GABPA: variants seen among roughly 807,000 people sequenced by gnomAD.
The protein encoded by GABPA is GA binding protein transcription factor subunit alpha, also known as GA-binding protein alpha chain.
In GABPA, 4 loss-of-function variants were observed where a neutral mutation model predicts 59.4. The observed-to-expected ratio is 0.07, with a 90% CI of 0.03 to 0.15. The LOEUF is 0.15. Among genes scored for constraint, GABPA ranks in the 10% least tolerant of loss-of-function variants. The pLI is 1.00. For synonymous variants in GABPA, 164 were observed against 183.1 expected (o/e 0.90, Z 0.84); for missense variants, 251 against 543.8 (o/e 0.46, Z 5.36).
chr21:25,749,451 A>T (rs13048710), intron 4 of GABPA, among the ~76,000 whole-genome samples: 1 of 152,158 alleles, frequency 6.6e-6, no homozygotes, highest in Non-Finnish European at 1.5e-5. Context: ...CTGCCCTGCC[A>T]TGATCTGGAA....
intron 5 of GABPA, among the ~76,000 whole-genome samples, chr21:25,753,849 G>C (rs1285454014): frequency 6.6e-6 from 1 of 152,138 alleles, no homozygotes; most frequent in Non-Finnish European, 1.5e-5. Flanking sequence ...TAGAGACAAG[G>C]TTGTACCTGG....
At chr21:25,756,228 T>C (rs1314317724) in intron 5 of GABPA, among the ~76,000 whole-genome samples, 1 of 152,176 alleles carries the variant, frequency 6.6e-6, no homozygotes, top group African/African-American at 2.4e-5. Context: ...GAAATTAACT[T>C]TGTTTTTCTT....
At chr21:25,762,145 A>T (rs934462209) in intron 6 of GABPA, among the ~76,000 whole-genome samples, 167 bp from the exon 7 acceptor site, 1 of 152,158 alleles carries the variant, frequency 6.6e-6, no homozygotes, top group Non-Finnish European at 1.5e-5. Flanking sequence ...TAAAGTGACT[A>T]TCAAATATTT....
chr21:25,764,901 TG>T, intron 9 of GABPA, 114 bp downstream of exon 9: 5 of 704,976 alleles, frequency 7.1e-6, no homozygotes, highest in East Asian at 3.4e-5. Context: ...AACTTGTTTA[TG>T]TTTTTTTCTT....
At chr21:25,750,331 T>G (rs1268349333) in intron 4 of GABPA, among the ~76,000 whole-genome samples, 1 of 152,192 alleles carries the variant, frequency 6.6e-6, no homozygotes, top group East Asian at 1.9e-4. Context: ...GTCTGTGGCC[T>G]GGGGTTTGGG....
In GABPA at chr21:25,758,285, T is replaced by C. The variant is rs538870413; in HGVS notation, c.748+81T>C. The C allele has an allele frequency of 6.6e-5, 65 of 990,230 alleles. No homozygotes were observed. In the South Asian group the frequency reaches 1.0e-3, roughly 16 times the overall value. 61.3% of individuals were successfully genotyped at this position (990,230 alleles called of 1,614,324 possible). A position where few individuals can be genotyped will look rare whatever the true frequency, so the allele number is the denominator to read the frequency against. On this transcript the variant is annotated intron_variant, in intron 6 of 9. Coordinates refer to ENST00000400075, the MANE Select transcript of GABPA (RefSeq NM_002040.4). ...TGTAACTTTGTTTTCATCTTAGTTG[T>C]TTATTGATAATGATAAGTAATAAGC...
chr21:25,743,525 C>T (rs2035279205), intron 2 of GABPA, among the ~76,000 whole-genome samples: 2 of 150,596 alleles, frequency 1.3e-5, no homozygotes, highest in Non-Finnish European at 2.9e-5. Flanking sequence ...CAGTAATTGT[C>T]GTTCACCTAA....
At chr21:25,758,359 A>G (rs1182706893) in intron 6 of GABPA, among the ~76,000 whole-genome samples, 155 bp downstream of exon 6, 3 of 152,326 alleles carry the variant, frequency 2.0e-5, no homozygotes, top group South Asian at 2.1e-4. Context: ...TGAAAGCTCT[A>G]TATGTTCTTT....
intron 6 of GABPA, among the ~76,000 whole-genome samples, chr21:25,759,147 T>G (rs796205711): frequency 6.6e-6 from 1 of 152,178 alleles, no homozygotes; most frequent in Non-Finnish European, 1.5e-5. Flanking sequence ...TTATTTTTGC[T>G]TGAATTTTAA....
At position 25,771,282 on chromosome 21, in the gene GABPA, A is replaced by C. The variant is rs542694128; in HGVS notation, c.*2050A>C. ...TGTGTGTGTATGTTTTTAAAGCTAA[A>C]AACATTACTTTTAGATCCCTAGAAT... On this transcript the variant is annotated 3_prime_UTR_variant, in exon 10 of 10. Transcript: ENST00000400075. 1 of 152,138 alleles carries C rather than the reference A, an allele frequency of 6.6e-6. No homozygotes were observed. The highest frequency in any genetic ancestry group is 1.9e-4 in the East Asian group (1 of 5,186). The allele number at this position is 152,138 out of a possible 1,614,324, so 9.4% of individuals were successfully genotyped here.
chr21:25,740,992 A>C (rs1482760027), intron 1 of GABPA, among the ~76,000 whole-genome samples: 1 of 152,232 alleles, frequency 6.6e-6, no homozygotes, highest in Non-Finnish European at 1.5e-5. Flanking sequence ...CAGACCCTTA[A>C]CTTAATTTTG....
At position 25,754,369 on chromosome 21, in the gene GABPA, C is replaced by A. The variant is rs71651609; in HGVS notation, c.553+2135C>A. On this transcript the variant is annotated intron_variant, in intron 5 of 9. Transcript: ENST00000400075. ...TCTTACTGCATTATTTTGATAAATA[C>A]CTGTGTTCTTTTTGCTGGAACTCCT... Among the ~76,000 whole-genome samples, 26 of 152,174 alleles carry A rather than the reference C, an allele frequency of 1.7e-4. No homozygotes were observed. The East Asian group carries it at 4.8e-3, about 28-fold the overall frequency.
chr21:25,745,475 T>C (rs2035337934), intron 3 of GABPA, 121 bp downstream of exon 3: 3 of 845,154 alleles, frequency 3.5e-6, no homozygotes, highest in African/African-American at 1.7e-5. Context: ...CCTGTATTAC[T>C]GTAAAATTTA....
At chr21:25,759,597 A>T (rs1170394173) in intron 6 of GABPA, among the ~76,000 whole-genome samples, 1 of 152,088 alleles carries the variant, frequency 6.6e-6, no homozygotes, top group African/African-American at 2.4e-5. Context: ...ATTCTCCCAG[A>T]TGTTTTTTTT....
rs1460792987 is a variant in GABPA, at chr21:25,772,129, A to G, written c.*2897A>G. The G allele has an allele frequency of 6.6e-6, 1 of 152,116 alleles. No individual in the cohort carries two copies. Among genetic ancestry groups the G allele is most frequent in the Non-Finnish European group, 1.5e-5 (1 of 67,914 alleles). The allele number at this position is 152,116 out of a possible 1,614,324, so 9.4% of individuals were successfully genotyped here. ...TGAAATAGCACAAAAATGTTTTAAA[A>G]TTCATAATTGCAAAACAAATCTGTG... On this transcript the variant is annotated 3_prime_UTR_variant, in exon 10 of 10. Transcript: ENST00000400075.
chr21:25,741,989 A>G (rs1215680992), intron 2 of GABPA, among the ~76,000 whole-genome samples: 1 of 152,230 alleles, frequency 6.6e-6, no homozygotes, highest in African/African-American at 2.4e-5. Context: ...GTTTAATTCA[A>G]CCTGAACTCA....
intron 4 of GABPA, among the ~76,000 whole-genome samples, chr21:25,749,584 C>T (rs1601124619): frequency 6.6e-6 from 1 of 152,222 alleles, no homozygotes; most frequent in East Asian, 1.9e-4. Flanking sequence ...GTAATCCTAC[C>T]ACTTTGGGAG....
At position 25,771,261 on chromosome 21, in the gene GABPA, T is replaced by C. The variant is rs899793980; in HGVS notation, c.*2029T>C. ...TAGACATGTCTCAATTATATATGTG[T>C]GTGTATGTTTTTAAAGCTAAAAACA... On this transcript the variant is annotated 3_prime_UTR_variant, in exon 10 of 10. Coordinates refer to ENST00000400075, the MANE Select transcript of GABPA (RefSeq NM_002040.4). 5 of 151,892 alleles carry C rather than the reference T, an allele frequency of 3.3e-5. No homozygotes were observed. The highest frequency in any genetic ancestry group is 1.2e-4 in the African/African-American group (5 of 41,432). The allele number at this position is 151,892 out of a possible 1,614,324, so 9.4% of individuals were successfully genotyped here.
intron 1 of GABPA, among the ~76,000 whole-genome samples, chr21:25,741,014 T>A (rs931232599): frequency 1.3e-5 from 2 of 152,244 alleles, no homozygotes; most frequent in African/African-American, 4.8e-5. Context: ...GGTAACTTGT[T>A]GATTGCAATT....
Sources: gnomAD v4.1 joint callset for allele counts (sites outside exome capture counted in the v4.1 genomes callset) on GRCh38, gnomAD v4.1.1 for gene constraint, MANE v1.5 for transcripts, NCBI Gene and HGNC (gene_info 2026-07-23, HGNC 2026-07-21) for gene names.